Variants in SVIL observed in about 807,000 individuals in gnomAD.
SVIL encodes the protein archvillin.
SVIL carries 101 observed loss-of-function variants against 240.4 expected under a neutral mutation model. The ratio of observed to expected loss-of-function variants is 0.42; its 90% CI spans 0.36 to 0.50. The LOEUF is 0.50. Ranked by LOEUF, SVIL falls within the 20% of genes least tolerant of loss-of-function variation. The pLI is 0.01. For synonymous variants in SVIL, 999 were observed against 1,100.0 expected, an observed-to-expected ratio of 0.91 and a Z score of 1.82; for missense variants, 2,512 against 2,818.7, an observed-to-expected ratio of 0.89 and a Z score of 2.46.
At chr10:29,723,051 T>C (rs1446418688) in intron 1 of SVIL, among the ~76,000 whole-genome samples, 1 of 152,226 alleles carries the variant, frequency 6.6e-6, no homozygotes, top group Non-Finnish European at 1.5e-5. Context: ...CCCGGCAGAC[T>C]GCCCTGTACA....
chr10:29,550,724 C>T lies in SVIL; in HGVS notation c.700G>A (p.Gly234Arg), dbSNP rs1488550142. ...ACTTCAGTGAAGGAGGAGTCTCGCCCAGAGAAAGAGAAGGTCGAGGAACTC... is the reference window on the plus strand; with the variant it reads ...ACTTCAGTGAAGGAGGAGTCTCGCCTAGAGAAAGAGAAGGTCGAGGAACTC... The part of the protein sequence containing the change: ...AESSSTFSFS[G>R]RDSSFTEVPR... The change falls in exon 6 of 38, where the codon GGG becomes AGG. Residue 234 changes from glycine to arginine, a missense_variant. Gly to Arg is a moderately radical substitution (Grantham distance 125). Coordinates refer to ENST00000355867, the MANE Select transcript of SVIL (RefSeq NM_021738.3). The T allele has an allele frequency of 6.2e-7, 1 of 1,614,098 alleles. No homozygotes were observed. Among genetic ancestry groups the T allele is most frequent in the Admixed American group, 1.7e-5 (1 of 60,014 alleles).
chr10:29,608,133 A>G (rs1957093312), intron 1 of SVIL, among the ~76,000 whole-genome samples: 1 of 152,034 alleles, frequency 6.6e-6, no homozygotes, highest in Non-Finnish European at 1.5e-5. Context: ...TCCCACCTAC[A>G]CAACATTACC....
upstream of SVIL, among the ~76,000 whole-genome samples, chr10:29,636,102 G>GT (rs561377211): frequency 0.078 from 10,666 of 137,566 alleles, 554 homozygotes; most frequent in African/African-American, 0.15. Flanking sequence ...CCAGTCAACT[G>GT]TTTTTTTTTT....
chr10:29,618,686 CT>C (rs1408699626), intron 1 of SVIL, among the ~76,000 whole-genome samples: 1 of 152,134 alleles, frequency 6.6e-6, no homozygotes, highest in Non-Finnish European at 1.5e-5. Context: ...TGGACTACTC[CT>C]TTCCTTCCAG....
chr10:29,558,885 G>A (rs1440978713), intron 3 of SVIL, among the ~76,000 whole-genome samples: 1 of 150,190 alleles, frequency 6.7e-6, no homozygotes, highest in Admixed American at 6.7e-5. Flanking sequence ...CCAAGGCTGT[G>A]CCACTACACT....
intron 1 of SVIL, among the ~76,000 whole-genome samples, chr10:29,707,032 G>A (rs1962937014): frequency 6.6e-6 from 1 of 152,158 alleles, no homozygotes; most frequent in Non-Finnish European, 1.5e-5. Flanking sequence ...TGCTGTTTTG[G>A]TTACTGTTGC....
chr10:29,553,543 C>T (rs143194953), intron 5 of SVIL, among the ~76,000 whole-genome samples: 2,093 of 148,846 alleles, frequency 0.014, 52 homozygotes, highest in African/African-American at 0.05. Context: ...ATCTTGCCAT[C>T]GCACTCCAGC....
intron 20 of SVIL, among the ~76,000 whole-genome samples, chr10:29,493,764 G>T (rs1948183068): frequency 6.6e-6 from 1 of 152,210 alleles, no homozygotes; most frequent in African/African-American, 2.4e-5. Context: ...TTTAGGCTTT[G>T]CATGGGGAGG....
intron 3 of SVIL, among the ~76,000 whole-genome samples, chr10:29,562,781 A>G (rs149755115): frequency 0.012 from 1,008 of 87,540 alleles, 15 homozygotes; most frequent in South Asian, 0.073. Flanking sequence ...AAAAAAAAAA[A>G]AAAAAAAAAA....
intron 1 of SVIL, among the ~76,000 whole-genome samples, chr10:29,591,145 A>C (rs1368813332): frequency 6.6e-6 from 1 of 152,242 alleles, no homozygotes; most frequent in Non-Finnish European, 1.5e-5. Context: ...TTAATGTTTC[A>C]CACACTTATT....
intron 30 of SVIL, 38 bp from the exon 31 acceptor site, chr10:29,471,281 G>C (rs756766324): frequency 1.3e-6 from 2 of 1,507,592 alleles, no homozygotes; most frequent in South Asian, 1.2e-5. Context: ...TAAGGGGCGC[G>C]GGGCTTTCAA....
intron 16 of SVIL, among the ~76,000 whole-genome samples, chr10:29,513,994 A>G (rs1300763629): frequency 6.6e-6 from 1 of 152,140 alleles, no homozygotes; most frequent in Non-Finnish European, 1.5e-5. Flanking sequence ...AAAAAAAAAA[A>G]AAAAAGGTGG....
intron 12 of SVIL, 130 bp downstream of exon 12, chr10:29,529,575 A>T: frequency 1.9e-6 from 2 of 1,070,844 alleles, no homozygotes; most frequent in Non-Finnish European, 2.5e-6. Context: ...AAAATCCCTT[A>T]GTACTAACTT....
At chr10:29,509,482 G>A (rs1949667534) in intron 17 of SVIL, among the ~76,000 whole-genome samples, 1 of 152,164 alleles carries the variant, frequency 6.6e-6, no homozygotes, top group South Asian at 2.1e-4. Context: ...GGGAGGGTGT[G>A]TAAAATGGGG....
chr10:29,565,129 T>G (rs563601416), intron 2 of SVIL, among the ~76,000 whole-genome samples: 2 of 152,358 alleles, frequency 1.3e-5, no homozygotes, highest in South Asian at 4.1e-4. Context: ...TCAGGCCACT[T>G]ACCTTGCGGT....
chr10:29,501,888 A>G (rs1277574028), intron 17 of SVIL, among the ~76,000 whole-genome samples: 1 of 152,236 alleles, frequency 6.6e-6, no homozygotes, highest in Non-Finnish European at 1.5e-5. Flanking sequence ...GTGATTCACT[A>G]TTCACTTAGT....
At chr10:29,605,768 ATG>A (rs1225628245) in intron 1 of SVIL, among the ~76,000 whole-genome samples, 1 of 149,520 alleles carries the variant, frequency 6.7e-6, no homozygotes. Context: ...ATAAATGTAT[ATG>A]TGTGTGTTTG....
chr10:29,503,139 T>C (rs190547516), intron 17 of SVIL, among the ~76,000 whole-genome samples: 114 of 152,294 alleles, frequency 7.5e-4, no homozygotes, highest in African/African-American at 2.6e-3. Flanking sequence ...TACTTTTCAG[T>C]TTTCAAAAAT....
At chr10:29,514,482 T>C (rs1013407456) in intron 16 of SVIL, among the ~76,000 whole-genome samples, 2 of 152,162 alleles carry the variant, frequency 1.3e-5, no homozygotes, top group African/African-American at 4.8e-5. Context: ...GCTCAAGCAA[T>C]TCTTCCATGT....
Sources: gnomAD v4.1 joint callset for allele counts (sites outside exome capture counted in the v4.1 genomes callset) on GRCh38, gnomAD v4.1.1 for gene constraint, MANE v1.5 for transcripts, NCBI Gene and HGNC (gene_info 2026-07-23, HGNC 2026-07-21) for gene names.